RBM11: variants seen among roughly 807,000 people sequenced by gnomAD.
The protein encoded by RBM11 is splicing regulator RBM11.
RBM11 carries 18 observed loss-of-function variants against 21.4 expected under a neutral mutation model. That is an observed-to-expected ratio of 0.84 (90% CI 0.58 to 1.25). The LOEUF (loss-of-function observed/expected upper bound fraction) is 1.25. RBM11 is among the 50% of genes most tolerant of loss of function. The pLI is 0.00. For synonymous variants in RBM11, 120 were observed against 116.3 expected (o/e 1.03, Z -0.20); for missense variants, 294 against 331.9 (o/e 0.89, Z 0.89).
chr21:14,226,630 A>C (rs1225668855), intron 4 of RBM11, among the ~76,000 whole-genome samples: 2 of 151,792 alleles, frequency 1.3e-5, no homozygotes, highest in Non-Finnish European at 2.9e-5. Context: ...AAAAAAAAAA[A>C]AAAAACAAAC....
In RBM11 at chr21:14,222,934, C is replaced by T. The variant is rs114120184; in HGVS notation, c.333-1504C>T. 7.7e-3 allele frequency among the ~76,000 whole-genome samples: 1,177 copies of T among 152,254 alleles called. 13 individuals are homozygous for T. The highest frequency in any genetic ancestry group is 0.024 in the African/African-American group (986 of 41,518). On this transcript the variant is annotated intron_variant, in intron 3 of 4. Transcript: ENST00000400577. ...GGAAGCACTATCTAGACTCATGTGT[C>T]GAGCCATGTGTATAATGTAAGAACT...
intron 3 of RBM11, among the ~76,000 whole-genome samples, chr21:14,222,549 C>T (rs555576341): frequency 1.3e-5 from 2 of 152,272 alleles, no homozygotes; most frequent in African/African-American, 4.8e-5. Context: ...AGCATTATTG[C>T]ACCCCAGATA....
At chr21:14,222,491 T>G (rs979444364) in intron 3 of RBM11, among the ~76,000 whole-genome samples, 3 of 152,120 alleles carry the variant, frequency 2.0e-5, no homozygotes, top group African/African-American at 7.2e-5. Flanking sequence ...CTCTGAACAT[T>G]GGAGAGTGGC....
At position 14,228,277 on chromosome 21, in the gene RBM11, A is replaced by C; in HGVS notation, c.*984A>C. On this transcript the variant is annotated 3_prime_UTR_variant, in exon 5 of 5. Coordinates refer to ENST00000400577, the MANE Select transcript of RBM11 (RefSeq NM_144770.5). ...CAGTTGGGAATTAACCACTCAATTC[A>C]ATAGTAAAAGCCATGCTTGGATGTT... is the stretch of plus-strand genomic sequence containing the variant. The C allele has an allele frequency of 6.6e-6, 1 of 152,174 alleles. No individual in the cohort carries two copies. Among genetic ancestry groups the C allele is most frequent in the Non-Finnish European group, 1.5e-5 (1 of 68,018 alleles). 9.4% of individuals were successfully genotyped at this position (152,174 alleles called of 1,614,324 possible). A position where few individuals can be genotyped will look rare whatever the true frequency, so the allele number is the denominator to read the frequency against.
Position 14,227,468 on chromosome 21 carries a change from A to G in RBM11, c.*175A>G. On this transcript the variant is annotated 3_prime_UTR_variant, in exon 5 of 5. Transcript: ENST00000400577. ...TTGCCTTGAACGACAAAAGCTTTCT[A>G]AAAATAGTATAATGTACCACTTTTT... The G allele has an allele frequency of 1.5e-6, 1 of 666,566 alleles. No individual in the cohort carries two copies. Among genetic ancestry groups the G allele is most frequent in the African/African-American group, 1.8e-5 (1 of 54,828 alleles). The allele number at this position is 666,566 out of a possible 1,614,324, so 41.3% of individuals were successfully genotyped here.
At chr21:14,218,071 T>TC (rs1202704417) in intron 1 of RBM11, among the ~76,000 whole-genome samples, 1 of 152,214 alleles carries the variant, frequency 6.6e-6, no homozygotes, top group African/African-American at 2.4e-5. Context: ...ACTTTAGACT[T>TC]CAACACCCAG....
At position 14,227,334 on chromosome 21, in the gene RBM11, C is replaced by A; in HGVS notation, c.*41C>A. On this transcript the variant is annotated 3_prime_UTR_variant, in exon 5 of 5. Coordinates refer to ENST00000400577, the MANE Select transcript of RBM11 (RefSeq NM_144770.5). Reference sequence around the variant, plus strand: ...AAACTTACCTACACTGATCTTAGTTCTCTTATGAAAAAAATAAGATGTTAT... The same window carrying A: ...AAACTTACCTACACTGATCTTAGTTATCTTATGAAAAAAATAAGATGTTAT... 1 of 1,521,742 alleles carries A rather than the reference C, an allele frequency of 6.6e-7. No individual in the cohort carries two copies. The highest frequency in any genetic ancestry group is 1.3e-5 in the South Asian group (1 of 76,012). 94.3% of individuals were successfully genotyped at this position (1,521,742 alleles called of 1,614,324 possible). A position where few individuals can be genotyped will look rare whatever the true frequency, so the allele number is the denominator to read the frequency against.
At chr21:14,225,844 G>A (rs1199190687) in intron 4 of RBM11, among the ~76,000 whole-genome samples, 4 of 151,972 alleles carry the variant, frequency 2.6e-5, no homozygotes. Context: ...TTTGAGTTAA[G>A]AGCTTGTTTG....
intron 4 of RBM11, 25 bp downstream of exon 4, chr21:14,224,562 A>G (rs1978941035): frequency 6.5e-7 from 1 of 1,529,980 alleles, no homozygotes; most frequent in South Asian, 1.3e-5. Context: ...CATTTTATTT[A>G]GTATATAATA....
At chr21:14,222,904 G>A (rs368504838) in intron 3 of RBM11, among the ~76,000 whole-genome samples, 1 of 151,134 alleles carries the variant, frequency 6.6e-6, no homozygotes, top group East Asian at 1.9e-4. Flanking sequence ...TTAGCATAAA[G>A]GGGGGGAAGC....
At chr21:14,220,102 G>C (rs1221678810) in intron 2 of RBM11, among the ~76,000 whole-genome samples, 1 of 152,128 alleles carries the variant, frequency 6.6e-6, no homozygotes, top group East Asian at 1.9e-4. Flanking sequence ...GTATGGTACT[G>C]AATCTGTACT....
chr21:14,225,747 T>C (rs1250430511), intron 4 of RBM11, among the ~76,000 whole-genome samples: 1 of 152,116 alleles, frequency 6.6e-6, no homozygotes, highest in Non-Finnish European at 1.5e-5. Context: ...CATCGAAGCA[T>C]TTTTTATCTT....
chr21:14,218,902 AATTTAT>A, intron 1 of RBM11, among the ~76,000 whole-genome samples: 1 of 152,218 alleles, frequency 6.6e-6, no homozygotes, highest in South Asian at 2.1e-4. Flanking sequence ...GAATATTTAT[AATTTAT>A]ATTTTATTCC....
At position 14,225,485 on chromosome 21, in the gene RBM11, G is replaced by A. The variant is rs1174456157; in HGVS notation, c.432+948G>A. ...TGAAGTCCAGGGTTGTTAATCTACA[G>A]TCCCAAGATTTTCAGCTTGTTAGTG... is the stretch of plus-strand genomic sequence containing the variant. On this transcript the variant is annotated intron_variant, in intron 4 of 4. Coordinates refer to ENST00000400577, the MANE Select transcript of RBM11 (RefSeq NM_144770.5). Among the ~76,000 whole-genome samples the A allele has an allele frequency of 2.0e-5, 3 of 152,142 alleles. 1 individual carries two copies. Among genetic ancestry groups the A allele is most frequent in the African/African-American group, 7.2e-5 (3 of 41,528 alleles).
chr21:14,224,198 G>A (rs970952689), intron 3 of RBM11, among the ~76,000 whole-genome samples: 5 of 152,056 alleles, frequency 3.3e-5, no homozygotes, highest in African/African-American at 9.7e-5. Flanking sequence ...CTTAACTAAT[G>A]ATATCTGCAG....
chr21:14,219,578 A>G lies in RBM11; in HGVS notation c.112A>G (p.Lys38Glu), dbSNP rs1600956931. ...TTTCTTATAGGCGGGGCCACTAACC[A>G]AAGTGACTATATGCAAAGACAGAGA... ...ELFLQAGPLT[K>E]VTICKDREGK... Residue 38 changes from lysine to glutamate, a missense_variant, in exon 2 of 5, where the codon AAA (lysine) becomes GAA (glutamate). Transcript: ENST00000400577. 6.5e-7 allele frequency: 1 copy of G among 1,537,366 alleles called. No individual in the cohort carries two copies. Among genetic ancestry groups the G allele is most frequent in the Admixed American group, 1.9e-5 (1 of 52,244 alleles).
chr21:14,217,435 G>C (rs567296736), intron 1 of RBM11, among the ~76,000 whole-genome samples: 1 of 152,274 alleles, frequency 6.6e-6, no homozygotes, highest in South Asian at 2.1e-4. Context: ...AGGATTGAAT[G>C]GGTCAAAGGG....
intron 3 of RBM11, among the ~76,000 whole-genome samples, chr21:14,221,817 T>C (rs908649846): frequency 1.3e-5 from 2 of 152,142 alleles, no homozygotes; most frequent in South Asian, 2.1e-4. Flanking sequence ...AAGAAAGATA[T>C]TGGATAGCTT....
At chr21:14,219,520 A>C in intron 1 of RBM11, 43 bp from the exon 2 acceptor site, 1 of 1,380,350 alleles carries the variant, frequency 7.2e-7, no homozygotes, top group African/African-American at 1.5e-5. Context: ...GTATAAAAAA[A>C]ATCTTTGGAT....
Sources: allele counts gnomAD v4.1 joint callset (sites outside exome capture counted in the v4.1 genomes callset), GRCh38; gene constraint gnomAD v4.1.1; transcripts MANE v1.5; gene names NCBI Gene and HGNC (gene_info 2026-07-23, HGNC 2026-07-21).